Variants in DSCAM observed in about 807,000 individuals in gnomAD.
The protein encoded by DSCAM is cell adhesion molecule DSCAM.
A neutral mutation model predicts 217.7 loss-of-function variants in DSCAM; 47 were observed. That is an observed-to-expected ratio of 0.22 (90% CI 0.17 to 0.28). DSCAM has a LOEUF of 0.28. Among genes scored for constraint, DSCAM ranks in the 10% least tolerant of loss-of-function variants. DSCAM has a pLI of 1.00. For missense variants in DSCAM, 2,080 were observed against 2,618.3 expected (o/e 0.79, Z 4.49); for synonymous variants, 1,056 against 1,015.3 (o/e 1.04, Z -0.76).
chr21:40,175,302 C>T (rs921758344), intron 15 of DSCAM, among the ~76,000 whole-genome samples: 2 of 151,984 alleles, frequency 1.3e-5, no homozygotes, highest in Admixed American at 6.6e-5. Flanking sequence ...TTAGTAGAGA[C>T]GGAGTTTAGC....
chr21:40,579,063 G>C (rs953119651), intron 3 of DSCAM, among the ~76,000 whole-genome samples: 2 of 152,146 alleles, frequency 1.3e-5, no homozygotes, highest in African/African-American at 4.8e-5. Flanking sequence ...AACGACAGAG[G>C]GAGGTAGAGG....
intron 3 of DSCAM, among the ~76,000 whole-genome samples, chr21:40,508,783 ATTTTT>A (rs1178142732): frequency 1.7e-4 from 4 of 24,212 alleles, no homozygotes; most frequent in Non-Finnish European, 1.4e-4. Flanking sequence ...ATATATATAT[ATTTTT>A]TTTTTTTTTT....
intron 20 of DSCAM, among the ~76,000 whole-genome samples, chr21:40,118,250 G>T (rs1217526657): frequency 2.0e-5 from 3 of 152,182 alleles, no homozygotes; most frequent in Non-Finnish European, 2.9e-5. Context: ...GCAGTGGGAA[G>T]GCTTCTGACT....
At chr21:40,311,921 G>T (rs1240225743) in intron 9 of DSCAM, among the ~76,000 whole-genome samples, 160 bp downstream of exon 9, 2 of 142,256 alleles carry the variant, frequency 1.4e-5, no homozygotes, top group Non-Finnish European at 3.0e-5. Flanking sequence ...TCATGGTTGG[G>T]TTTAGAGTCG....
At chr21:40,654,112 A>G (rs548073177) in intron 3 of DSCAM, among the ~76,000 whole-genome samples, 2 of 152,216 alleles carry the variant, frequency 1.3e-5, no homozygotes, top group South Asian at 4.1e-4. Flanking sequence ...AAAAGAAAAA[A>G]GAAAAAAAGA....
chr21:40,147,495 TAGA>T (rs1314082176), intron 16 of DSCAM, among the ~76,000 whole-genome samples: 1 of 152,234 alleles, frequency 6.6e-6, no homozygotes, highest in Non-Finnish European at 1.5e-5. Context: ...ACATTTTTCT[TAGA>T]AGAACTACAT....
intron 1 of DSCAM, among the ~76,000 whole-genome samples, chr21:40,845,551 C>CTCTCTG (rs2092137668): frequency 6.6e-6 from 1 of 151,058 alleles, no homozygotes; most frequent in Non-Finnish European, 1.5e-5. Flanking sequence ...CTCTCTCTCT[C>CTCTCTG]TCTCTCTCTC....
intron 1 of DSCAM, among the ~76,000 whole-genome samples, chr21:40,795,402 G>A (rs745807225): frequency 6.6e-6 from 1 of 151,760 alleles, no homozygotes; most frequent in Non-Finnish European, 1.5e-5. Context: ...CTGTTCACAA[G>A]CTATAGTGAT....
chr21:40,245,181 C>T (rs978017432), intron 11 of DSCAM, among the ~76,000 whole-genome samples: 3 of 152,196 alleles, frequency 2.0e-5, no homozygotes, highest in South Asian at 2.1e-4. Flanking sequence ...CGGCTGCTGC[C>T]GCCTGTTGGG....
At chr21:40,247,985 T>C (rs1047611138) in intron 11 of DSCAM, among the ~76,000 whole-genome samples, 9 of 152,204 alleles carry the variant, frequency 5.9e-5, no homozygotes, top group Non-Finnish European at 1.3e-4. Context: ...CAACACCACA[T>C]GGAAGCTGCC....
chr21:40,325,381 G>T (rs1195250466), intron 8 of DSCAM, among the ~76,000 whole-genome samples: 1 of 152,110 alleles, frequency 6.6e-6, no homozygotes, highest in Non-Finnish European at 1.5e-5. Flanking sequence ...CTCAGTGTGG[G>T]TTGAAGGCCT....
At chr21:40,842,841 GGAGA>G (rs1420085412) in intron 1 of DSCAM, among the ~76,000 whole-genome samples, 3 of 152,172 alleles carry the variant, frequency 2.0e-5, no homozygotes, top group African/African-American at 7.2e-5. Context: ...AAATGACAAA[GGAGA>G]GAGTCAAAAA....
chr21:40,677,174 A>C (rs1211727850), intron 3 of DSCAM, among the ~76,000 whole-genome samples: 1 of 151,800 alleles, frequency 6.6e-6, no homozygotes, highest in African/African-American at 2.4e-5. Context: ...GAACAATTGT[A>C]GTGAAAGATA....
At chr21:40,613,766 G>T (rs145721171) in intron 3 of DSCAM, among the ~76,000 whole-genome samples, 1 of 151,616 alleles carries the variant, frequency 6.6e-6, no homozygotes, top group African/African-American at 2.4e-5. Context: ...CTCACCACAG[G>T]GAATCTCATG....
At chr21:40,330,216 T>C (rs2074361865) in intron 8 of DSCAM, among the ~76,000 whole-genome samples, 2 of 149,138 alleles carry the variant, frequency 1.3e-5, no homozygotes, top group African/African-American at 4.9e-5. Flanking sequence ...AATCAATATG[T>C]AATGTAATAT....
At chr21:40,328,725 T>C (rs1353405000) in intron 8 of DSCAM, among the ~76,000 whole-genome samples, 2 of 152,120 alleles carry the variant, frequency 1.3e-5, no homozygotes, top group African/African-American at 4.8e-5. Context: ...GGAAAGAATA[T>C]ATTTGCAAAC....
At position 40,248,548 on chromosome 21, in the gene DSCAM, A is replaced by G. The variant is rs569444872; in HGVS notation, c.2356+27549T>C. 2.0e-4 allele frequency among the ~76,000 whole-genome samples: 30 copies of G among 152,234 alleles called. No homozygotes were observed. In the South Asian group the frequency reaches 2.9e-3, roughly 15 times the overall value. On this transcript the variant is annotated intron_variant, in intron 11 of 32. Transcript: ENST00000400454. ...TGCTCCAGTTCCCAACAAGTTCCTCATTTCCATCTGAGACCACCTCAGCCT... is the reference window on the plus strand; with the variant it reads ...TGCTCCAGTTCCCAACAAGTTCCTCGTTTCCATCTGAGACCACCTCAGCCT...
chr21:40,186,477 A>G (rs771405486), intron 14 of DSCAM, among the ~76,000 whole-genome samples: 1 of 152,152 alleles, frequency 6.6e-6, no homozygotes, highest in Non-Finnish European at 1.5e-5. Context: ...CGCCCAATGC[A>G]TCATAAAGTT....
chr21:40,563,083 GTGGAAGACAGTTTATTATC>G (rs2076733245), intron 3 of DSCAM, among the ~76,000 whole-genome samples: 1 of 150,914 alleles, frequency 6.6e-6, no homozygotes, highest in African/African-American at 2.4e-5. Flanking sequence ...TTACACAGAA[GTGGAAGACAGTTTATTATC>G]TAGGAGAGCC....
Sources: gnomAD v4.1 joint callset for allele counts (sites outside exome capture counted in the v4.1 genomes callset) on GRCh38, gnomAD v4.1.1 for gene constraint, MANE v1.5 for transcripts, NCBI Gene and HGNC (gene_info 2026-07-23, HGNC 2026-07-21) for gene names.